Variants in CDC42SE2 observed in about 807,000 individuals in gnomAD.
The protein encoded by CDC42SE2 is CDC42 small effector 2, also known as CDC42 small effector protein 2.
CDC42SE2 carries 3 observed loss-of-function variants against 11.5 expected under a neutral mutation model. That is an observed-to-expected ratio of 0.26 (90% CI 0.12 to 0.67). The LOEUF (loss-of-function observed/expected upper bound fraction) is 0.67. CDC42SE2 is among the 30% of genes least tolerant of loss of function. The pLI, the probability that CDC42SE2 is intolerant of heterozygous loss-of-function variation, is 0.80. For synonymous variants in CDC42SE2, 33 were observed against 34.8 expected (o/e 0.95, Z 0.18); for missense variants, 82 against 106.8 (o/e 0.77, Z 1.02).
At chr5:131,213,361 T>C in the CDC42SE2 span, among the ~76,000 whole-genome samples, 3 of 152,204 alleles carry the variant, frequency 2.0e-5, no homozygotes, top group Non-Finnish European at 4.4e-5. Flanking sequence ...ATAATTTTGT[T>C]GTGGGTAGGG....
the CDC42SE2 span, among the ~76,000 whole-genome samples, chr5:131,227,298 G>C: frequency 1.3e-5 from 2 of 152,036 alleles, no homozygotes; most frequent in East Asian, 3.9e-4. Context: ...ACAAGATGCA[G>C]TCTTATAAGG....
chr5:131,221,587 C>T, the CDC42SE2 span, among the ~76,000 whole-genome samples: 1 of 151,304 alleles, frequency 6.6e-6, no homozygotes, highest in East Asian at 1.9e-4. Flanking sequence ...TGTGTGAGCA[C>T]ATTACCAGTG....
chr5:131,249,014 CTTTTTTTTTTT>C (rs35929101), intron 1 of CDC42SE2, among the ~76,000 whole-genome samples: 1 of 116,092 alleles, frequency 8.6e-6, no homozygotes, highest in African/African-American at 3.3e-5. Flanking sequence ...CAGGTTACAT[CTTTTTTTTTTT>C]TTTTTTTTTT....
At position 131,288,568 on chromosome 5, in the gene CDC42SE2, C is replaced by A. The variant is rs192457788; in HGVS notation, c.-455+24402C>A. Among the ~76,000 whole-genome samples the A allele has an allele frequency of 4.2e-3, 645 of 152,240 alleles. 13 individuals are homozygous for A. The highest frequency in any genetic ancestry group is 2.8e-3 in the Non-Finnish European group (190 of 68,022). On this transcript the variant is annotated intron_variant, in intron 1 of 4. Transcript: ENST00000505065. ...GAAGTGCAGTGGTGCAGTCATACCTCACTACAGCCCCAAACCCCTGGCTTC... is the reference window on the plus strand; with the variant it reads ...GAAGTGCAGTGGTGCAGTCATACCTAACTACAGCCCCAAACCCCTGGCTTC...
At chr5:131,335,632 C>G (rs111628299) in intron 2 of CDC42SE2, among the ~76,000 whole-genome samples, 252 of 152,282 alleles carry the variant, frequency 1.7e-3, no homozygotes, top group African/African-American at 5.7e-3. Context: ...TAAGGACTTG[C>G]TTTATGAATC....
At chr5:131,322,250 G>C (rs1326834305) in intron 2 of CDC42SE2, among the ~76,000 whole-genome samples, 1 of 152,112 alleles carries the variant, frequency 6.6e-6, no homozygotes, top group African/African-American at 2.4e-5. Context: ...TGTTCACATT[G>C]CTGTGCAGCC....
chr5:131,290,656 T>G (rs1757439897), intron 1 of CDC42SE2, among the ~76,000 whole-genome samples: 1 of 151,552 alleles, frequency 6.6e-6, no homozygotes, highest in Non-Finnish European at 1.5e-5. Flanking sequence ...ATTTTTGTAT[T>G]TTTAGTAGAG....
intron 2 of CDC42SE2, among the ~76,000 whole-genome samples, chr5:131,340,649 A>C (rs1758690525): frequency 6.6e-6 from 1 of 151,750 alleles, no homozygotes; most frequent in African/African-American, 2.4e-5. Flanking sequence ...TCAGTTAACC[A>C]TTAAAGAGCA....
intron 3 of CDC42SE2, among the ~76,000 whole-genome samples, chr5:131,364,521 A>T (rs1188883679): frequency 1.3e-5 from 2 of 152,174 alleles, no homozygotes; most frequent in African/African-American, 4.8e-5. Context: ...TCTTTGTGAA[A>T]TAGGAAATCA....
At chr5:131,290,174 C>G (rs959398156) in intron 1 of CDC42SE2, among the ~76,000 whole-genome samples, 1 of 151,986 alleles carries the variant, frequency 6.6e-6, no homozygotes, top group African/African-American at 2.4e-5. Flanking sequence ...CATAGAAGAG[C>G]TATTGTGAAA....
At chr5:131,266,975 T>TTG (rs1756879662) in intron 1 of CDC42SE2, among the ~76,000 whole-genome samples, 1 of 147,374 alleles carries the variant, frequency 6.8e-6, no homozygotes, top group Non-Finnish European at 1.5e-5. Flanking sequence ...TTTTTTTTTT[T>TTG]TCGGATAAGC....
chr5:131,353,880 C>G (rs1462531783), intron 2 of CDC42SE2, among the ~76,000 whole-genome samples: 1 of 151,526 alleles, frequency 6.6e-6, no homozygotes, highest in East Asian at 1.9e-4. Context: ...CCACTGCACT[C>G]TGGCCTCGGT....
At chr5:131,268,431 T>C (rs1017613379) in intron 1 of CDC42SE2, among the ~76,000 whole-genome samples, 5 of 145,128 alleles carry the variant, frequency 3.4e-5, no homozygotes, top group African/African-American at 1.2e-4. Context: ...TCATACTACC[T>C]GGGAAAACTT....
At chr5:131,274,583 A>G (rs1757063047) in intron 1 of CDC42SE2, among the ~76,000 whole-genome samples, 1 of 152,176 alleles carries the variant, frequency 6.6e-6, no homozygotes, top group African/African-American at 2.4e-5. Context: ...TGAAAGTCTG[A>G]TTATTTTACT....
At chr5:131,362,837 A>G (rs1749747193) in intron 3 of CDC42SE2, among the ~76,000 whole-genome samples, 1 of 152,180 alleles carries the variant, frequency 6.6e-6, no homozygotes, top group Non-Finnish European at 1.5e-5. Context: ...GCTGCCCTGC[A>G]ATTTAATTTT....
intron 1 of CDC42SE2, among the ~76,000 whole-genome samples, chr5:131,312,539 C>G (rs1757944250): frequency 6.6e-6 from 1 of 152,204 alleles, no homozygotes; most frequent in South Asian, 2.1e-4. Flanking sequence ...CTCCCCCAGC[C>G]TGGCTGCTGC....
chr5:131,261,197 G>C (rs764826610), upstream of CDC42SE2: 6 of 152,182 alleles, frequency 3.9e-5, no homozygotes, highest in Non-Finnish European at 7.4e-5. Context: ...TACTTTTATC[G>C]GTATTTTCAC....
At position 131,306,383 on chromosome 5, in the gene CDC42SE2, C is replaced by CCA. The variant is rs1162803848; in HGVS notation, c.-454-9593_-454-9592insCA. 4.4e-3 allele frequency among the ~76,000 whole-genome samples: 670 copies of CCA among 152,204 alleles called. 36 individuals carry two copies. In the East Asian group the frequency reaches 0.12, roughly 27 times the overall value. ...TTTCTCTGTTTTGTGTTCTTGGTAA[C>CCA]TTTGTTGAAAGCCAGTTGACCATAA... On this transcript the variant is annotated intron_variant, in intron 1 of 4. Coordinates refer to ENST00000505065, the MANE Select transcript of CDC42SE2 (RefSeq NM_001375635.1).
chr5:131,258,485 G>C (rs1334265581), intron 2 of CDC42SE2, among the ~76,000 whole-genome samples: 2 of 152,010 alleles, frequency 1.3e-5, no homozygotes, highest in East Asian at 1.9e-4. Flanking sequence ...CTCTTATCTT[G>C]TTGTCCCCAG....
Sources: gnomAD v4.1 joint callset for allele counts (sites outside exome capture counted in the v4.1 genomes callset) on GRCh38, gnomAD v4.1.1 for gene constraint, MANE v1.5 for transcripts, NCBI Gene and HGNC (gene_info 2026-07-23, HGNC 2026-07-21) for gene names.